TFEB: variants seen among roughly 807,000 people sequenced by gnomAD.
The protein encoded by TFEB is T-cell transcription factor EB.
In TFEB, 12 loss-of-function variants were observed where a neutral mutation model predicts 48.0. The observed-to-expected ratio is 0.25, with a 90% confidence interval of 0.16 to 0.40. The LOEUF is 0.40. Among genes scored for constraint, TFEB ranks in the 10% least tolerant of loss-of-function variants. TFEB has a pLI of 1.00. For missense variants in TFEB, 509 were observed against 640.3 expected (o/e 0.79, Z 2.21); for synonymous variants, 244 against 261.4 (o/e 0.93, Z 0.64).
chr6:41,704,924 G>A (rs561025947), intron 1 of TFEB, among the ~76,000 whole-genome samples: 65 of 152,328 alleles, frequency 4.3e-4, no homozygotes, highest in Non-Finnish European at 5.3e-4. Flanking sequence ...GCTCTGGCCC[G>A]TGCAGGAGGG....
rs568741404 is a variant in TFEB at position 41,730,250 on chromosome 6, C to T, written c.-23+5100G>A. ...GCTGCAGTAAGATGGAACAGTGCCC[C>T]GGTCTCTCTGAAATGTGTGCCCTGA... On this transcript the variant is annotated intron_variant, in intron 1 of 8. Transcript: ENST00000373033. The surrounding 1 kb of genome is among the most constrained non-coding windows in gnomAD (Gnocchi z 4.1). Among the ~76,000 whole-genome samples the T allele has an allele frequency of 6.6e-4, 100 of 152,292 alleles. 1 individual carries two copies. In the South Asian group the frequency reaches 7.5e-3, roughly 11 times the overall value.
rs189816454 is a variant in TFEB at position 41,702,445 on chromosome 6, G to T, written c.-22-11210C>A. Among the ~76,000 whole-genome samples the T allele has an allele frequency of 2.6e-5, 4 of 152,314 alleles. No individual in the cohort carries two copies. In the East Asian group the frequency reaches 5.8e-4, roughly 22 times the overall value. ...GGTGAGGGTGGTAAGGGTTGGGGGAGGAGTGGGACTCAGCCATAGATGGCT... is the reference window on the plus strand; with the variant it reads ...GGTGAGGGTGGTAAGGGTTGGGGGATGAGTGGGACTCAGCCATAGATGGCT... On this transcript the variant is annotated intron_variant, in intron 1 of 8. Transcript: ENST00000373033.
At chr6:41,711,257 C>T (rs955368334) in intron 1 of TFEB, among the ~76,000 whole-genome samples, 2 of 152,236 alleles carry the variant, frequency 1.3e-5, no homozygotes, top group African/African-American at 4.8e-5. Context: ...CTCTGGTTTT[C>T]TCAGCTGCAG....
chr6:41,689,563 T>C (rs959705889), intron 4 of TFEB, among the ~76,000 whole-genome samples, 168 bp downstream of exon 4: 2 of 152,192 alleles, frequency 1.3e-5, no homozygotes, highest in Non-Finnish European at 2.9e-5. Flanking sequence ...TAATTCCTCT[T>C]GGCCCCGGCC....
At chr6:41,685,446 C>A (rs1019620419) in intron 8 of TFEB, among the ~76,000 whole-genome samples, 1 of 152,138 alleles carries the variant, frequency 6.6e-6, no homozygotes, top group Admixed American at 6.5e-5. Flanking sequence ...CCTGTGTGTG[C>A]TAGATTTTAA....
At position 41,691,662 on chromosome 6, in the gene TFEB, G is replaced by A. The variant is rs904935335; in HGVS notation, c.-22-427C>T. On this transcript the variant is annotated intron_variant, in intron 1 of 8. Transcript: ENST00000373033. The surrounding 1 kb of genome is among the most constrained non-coding windows in gnomAD (Gnocchi z 5.2). ...GTGTTCAGACTGCCTCCTCTGGCTT[G>A]CCCTAGGACGTTCTACTGGCAACTC... Among the ~76,000 whole-genome samples the A allele has an allele frequency of 1.3e-5, 2 of 152,050 alleles. No homozygotes were observed. The highest frequency in any genetic ancestry group is 4.8e-5 in the African/African-American group (2 of 41,376).
rs1192441597 is a variant in TFEB at position 41,693,502 on chromosome 6, A to G, written c.-22-2267T>C. Among the ~76,000 whole-genome samples, 3 of 152,118 alleles carry G rather than the reference A, an allele frequency of 2.0e-5. No individual in the cohort carries two copies. The East Asian group carries it at 5.8e-4, about 29-fold the overall frequency. ...CCTCTGAGCCCATGCTGGGGAGGAG[A>G]GGGTCTCCACACAGAGCAGGGAGGA... is the stretch of plus-strand genomic sequence containing the variant. On this transcript the variant is annotated intron_variant, in intron 1 of 8. Transcript: ENST00000373033.
Position 41,709,918 on chromosome 6 carries a change from T to C in TFEB, c.-22-18683A>G, listed in dbSNP as rs560369327. On this transcript the variant is annotated intron_variant, in intron 1 of 8. Coordinates refer to ENST00000373033, the MANE Select transcript of TFEB (RefSeq NM_001271944.2). ...CCTCCCACCTCAGCCTCCCAAGTAG[T>C]TGAGACCACAAGTGTGTGCCACTAT... is the stretch of plus-strand genomic sequence containing the variant. Among the ~76,000 whole-genome samples, 654 of 152,194 alleles carry C rather than the reference T, an allele frequency of 4.3e-3. 10 individuals are homozygous for C. Among genetic ancestry groups the C allele is most frequent in the African/African-American group, 0.014 (596 of 41,514 alleles).
chr6:41,698,206 TGGTCACTTGCTGAA>T (rs1288260248), intron 1 of TFEB, among the ~76,000 whole-genome samples: 1 of 151,912 alleles, frequency 6.6e-6, no homozygotes, highest in East Asian at 1.9e-4. Flanking sequence ...CCCAGAGAGG[TGGTCACTTGCTGAA>T]GGTCACAGAG....
chr6:41,691,343 G>A lies in TFEB; in HGVS notation c.-22-108C>T. 8.9e-7 allele frequency: 1 copy of A among 1,123,774 alleles called. No homozygotes were observed. The highest frequency in any genetic ancestry group is 2.6e-5 in the East Asian group (1 of 38,972). 69.6% of individuals were successfully genotyped at this position (1,123,774 alleles called of 1,614,324 possible). ...CTGGGACCGCATCCATTTTAGAGGA[G>A]AAGACACCGAGCCCTGAGAGGGGAA... is the stretch of plus-strand genomic sequence containing the variant. On this transcript the variant is annotated intron_variant, in intron 1 of 8. Coordinates refer to ENST00000373033, the MANE Select transcript of TFEB (RefSeq NM_001271944.2). The surrounding 1 kb of genome is among the most constrained non-coding windows in gnomAD (Gnocchi z 5.2).
chr6:41,718,453 C>T (rs1770832533), intron 1 of TFEB, among the ~76,000 whole-genome samples: 2 of 152,080 alleles, frequency 1.3e-5, no homozygotes, highest in African/African-American at 2.4e-5. Context: ...GCTGAAGTCT[C>T]CCGCCTCAGT....
intron 1 of TFEB, among the ~76,000 whole-genome samples, chr6:41,693,513 A>G (rs1424924026): frequency 6.6e-6 from 1 of 152,094 alleles, no homozygotes; most frequent in Non-Finnish European, 1.5e-5. Context: ...GGGTCTCCAC[A>G]CAGAGCAGGG....
intron 8 of TFEB, among the ~76,000 whole-genome samples, chr6:41,685,770 G>T (rs1019651429): frequency 6.6e-6 from 1 of 152,174 alleles, no homozygotes; most frequent in African/African-American, 2.4e-5. Flanking sequence ...CAAGCCCATT[G>T]AACAGAAGTG....
At chr6:41,722,262 G>T (rs1187034847) in intron 1 of TFEB, among the ~76,000 whole-genome samples, 2 of 152,222 alleles carry the variant, frequency 1.3e-5, no homozygotes, top group East Asian at 1.9e-4. Flanking sequence ...TTACAGGCGT[G>T]AGCCACCGCA....
chr6:41,696,294 C>A (rs4541741), intron 1 of TFEB, among the ~76,000 whole-genome samples: 75,437 of 151,986 alleles, frequency 0.5, 18,904 homozygotes, highest in Middle Eastern at 0.59. Context: ...TGCATGCCCA[C>A]CAGAAAAGCA....
At chr6:41,714,084 G>A (rs1002840899) in intron 1 of TFEB, among the ~76,000 whole-genome samples, 1 of 152,126 alleles carries the variant, frequency 6.6e-6, no homozygotes, top group South Asian at 2.1e-4. Flanking sequence ...ACTGCACTGA[G>A]TCCTGTGTGT....
rs1769107523 is a variant in TFEB, at chr6:41,688,048, G to T, written c.550-20C>A. ...GGGTAGCTGTGGGGTAGGGGGTGAG[G>T]GAGACCCATGAGTATCCCCCTCTCC... On this transcript the variant is annotated intron_variant, in intron 4 of 8. Transcript: ENST00000373033. The T allele has an allele frequency of 6.2e-7, 1 of 1,600,922 alleles. No homozygotes were observed. Among genetic ancestry groups the T allele is most frequent in the Non-Finnish European group, 8.5e-7 (1 of 1,171,174 alleles).
Position 41,686,936 on chromosome 6 carries a change from C to T in TFEB, c.803+158G>A, listed in dbSNP as rs1012802261. 1.0e-5 allele frequency: 7 copies of T among 685,694 alleles called. No homozygotes were observed. The South Asian group carries it at 1.2e-4, about 12-fold the overall frequency. 42.5% of individuals were successfully genotyped at this position (685,694 alleles called of 1,614,324 possible). On this transcript the variant is annotated intron_variant, in intron 7 of 8. Transcript: ENST00000373033. ...CTGTCTTGAGCTTTCCTGATTCTTT[C>T]CTGATTTGGGAGAGGGAGAGATCTT...
intron 1 of TFEB, among the ~76,000 whole-genome samples, chr6:41,714,730 T>C (rs553178937): frequency 3.9e-5 from 6 of 152,246 alleles, no homozygotes; most frequent in Middle Eastern, 3.4e-3. Flanking sequence ...CTGGAAGCTC[T>C]ACCCTTGAGT....
Sources: allele counts gnomAD v4.1 joint callset (sites outside exome capture counted in the v4.1 genomes callset), GRCh38; gene constraint gnomAD v4.1.1; non-coding constraint Gnocchi (gnomAD v3.1); transcripts MANE v1.5; gene names NCBI Gene and HGNC (gene_info 2026-07-23, HGNC 2026-07-21).